Variants in CSMD1 observed in about 807,000 individuals in gnomAD.
CSMD1 encodes the protein CUB and sushi domain-containing protein 1.
Under a neutral mutation model 417.5 loss-of-function variants are expected in CSMD1, and 213 were observed. That is an observed-to-expected ratio of 0.51 (90% CI 0.46 to 0.57). The LOEUF is 0.57. Among genes scored for constraint, CSMD1 ranks in the 20% least tolerant of loss-of-function variants. The probability of loss-of-function intolerance (pLI) is 0.00; values close to 1 mark genes in which losing one functional copy is unlikely to be tolerated. For synonymous variants in CSMD1, 2,862 were observed against 1,736.8 expected, an observed-to-expected ratio of 1.65 and a Z score of -16.11; for missense variants, 6,923 against 4,529.7, an observed-to-expected ratio of 1.53 and a Z score of -15.17.
intron 3 of CSMD1, among the ~76,000 whole-genome samples, chr8:4,281,997 G>T (rs931921860): frequency 3.9e-5 from 6 of 152,212 alleles, no homozygotes; most frequent in African/African-American, 1.2e-4. Flanking sequence ...CTATAGCAAG[G>T]TGAATTCATG....
At chr8:4,743,662 G>C (rs527248683) in intron 1 of CSMD1, among the ~76,000 whole-genome samples, 211 of 152,256 alleles carry the variant, frequency 1.4e-3, no homozygotes, top group African/African-American at 4.9e-3. Context: ...TCATTTGTGA[G>C]TTTAGTTAAT....
chr8:3,931,954 G>A (rs954777807), intron 5 of CSMD1, among the ~76,000 whole-genome samples: 1 of 148,988 alleles, frequency 6.7e-6, no homozygotes, highest in Non-Finnish European at 1.5e-5. Flanking sequence ...AATCTAAAAA[G>A]GACTTTTTAA....
intron 7 of CSMD1, among the ~76,000 whole-genome samples, chr8:3,677,967 G>T (rs373615540): frequency 2.6e-5 from 4 of 152,128 alleles, no homozygotes; most frequent in Admixed American, 1.3e-4. Flanking sequence ...CAGAAACACT[G>T]ACTTGGTGCA....
chr8:4,125,869 A>C (rs375139581), intron 3 of CSMD1, among the ~76,000 whole-genome samples: 1 of 152,138 alleles, frequency 6.6e-6, no homozygotes, highest in Non-Finnish European at 1.5e-5. Context: ...CAAATTAGCT[A>C]CAAGTTTAGG....
At chr8:4,169,666 G>A (rs1028017785) in intron 3 of CSMD1, among the ~76,000 whole-genome samples, 5 of 152,110 alleles carry the variant, frequency 3.3e-5, no homozygotes, top group Non-Finnish European at 7.3e-5. Context: ...GCCAACGCCG[G>A]AAGAGCACAC....
chr8:3,254,209 C>T (rs1032180806), intron 26 of CSMD1, among the ~76,000 whole-genome samples: 1 of 152,204 alleles, frequency 6.6e-6, no homozygotes, highest in Non-Finnish European at 1.5e-5. Context: ...GGCCCCCACT[C>T]TCTTCTGGCT....
At chr8:3,119,653 C>T (rs975824048) in intron 41 of CSMD1, among the ~76,000 whole-genome samples, 2 of 152,158 alleles carry the variant, frequency 1.3e-5, no homozygotes, top group African/African-American at 4.8e-5. Context: ...CTCTCGCCCA[C>T]TCTGGGAAGA....
At chr8:3,604,202 G>A (rs1377365830) in intron 8 of CSMD1, among the ~76,000 whole-genome samples, 1 of 152,066 alleles carries the variant, frequency 6.6e-6, no homozygotes, top group Non-Finnish European at 1.5e-5. Flanking sequence ...ATATAAACAT[G>A]AATTATGCTT....
At chr8:4,543,978 T>C (rs1465780688) in intron 2 of CSMD1, among the ~76,000 whole-genome samples, 14 of 152,174 alleles carry the variant, frequency 9.2e-5, no homozygotes, top group Non-Finnish European at 1.9e-4. Context: ...ATTAGGTTCA[T>C]TGTTTTCTAT....
rs1807781216 is a variant in CSMD1 at position 3,343,303 on chromosome 8, T to A, written c.3622A>T (p.Thr1208Ser). Reference protein sequence around the residue: ...GSDTDQGFQLTYTSFDLVKCE... With the variant: ...GSDTDQGFQLSYTSFDLVKCE... Reference sequence around the variant, plus strand: ...GTCGTATGTTACTTACTGGTATAGGTGAGTTGAAAACCTTGGTCGGTGTCA... The same window carrying A: ...GTCGTATGTTACTTACTGGTATAGGAGAGTTGAAAACCTTGGTCGGTGTCA... The change falls in exon 23 of 70, where the codon ACC becomes TCC. Residue 1208 changes from threonine (T) to serine (S), a missense_variant. Transcript: ENST00000635120. 4 of 1,613,456 alleles carry A rather than the reference T, an allele frequency of 2.5e-6. No individual in the cohort carries two copies. The highest frequency in any genetic ancestry group is 3.4e-6 in the Non-Finnish European group (4 of 1,179,454).
At chr8:3,849,816 T>G (rs1726467838) in intron 5 of CSMD1, among the ~76,000 whole-genome samples, 1 of 120,470 alleles carries the variant, frequency 8.3e-6, no homozygotes, top group South Asian at 2.8e-4. Context: ...TATCTTTTTT[T>G]GTTTGGTTTT....
chr8:3,714,806 G>C (rs949653560), intron 6 of CSMD1, among the ~76,000 whole-genome samples: 1 of 151,916 alleles, frequency 6.6e-6, no homozygotes, highest in South Asian at 2.1e-4. Flanking sequence ...TTTTTGTCTA[G>C]TTTATGATTG....
At chr8:3,495,549 A>T (rs1796330316) in intron 10 of CSMD1, among the ~76,000 whole-genome samples, 1 of 152,216 alleles carries the variant, frequency 6.6e-6, no homozygotes, top group African/African-American at 2.4e-5. Context: ...TCCTGTTGTC[A>T]AACACCAATC....
chr8:4,289,661 G>T (rs1357585544), intron 3 of CSMD1, among the ~76,000 whole-genome samples: 1 of 152,172 alleles, frequency 6.6e-6, no homozygotes, highest in East Asian at 1.9e-4. Flanking sequence ...ATGGTCCTGA[G>T]TAACATGTGC....
In CSMD1 at chr8:4,274,675, A is replaced by C. The variant is rs188730042; in HGVS notation, c.415+145278T>G. On this transcript the variant is annotated intron_variant, in intron 3 of 69. Transcript: ENST00000635120. The stretch of plus-strand genomic sequence containing the variant: ...ATTAAATTTACTTAAAATAAAATTA[A>C]ATGTTTCTTAGAAGTGCATCAGGTG... 3.7e-3 allele frequency among the ~76,000 whole-genome samples: 556 copies of C among 152,270 alleles called. 2 individuals are homozygous for C. Among genetic ancestry groups the C allele is most frequent in the Non-Finnish European group, 5.2e-3 (355 of 68,006 alleles).
intron 3 of CSMD1, among the ~76,000 whole-genome samples, chr8:4,292,038 A>G (rs1376433745): frequency 6.6e-6 from 1 of 152,130 alleles, no homozygotes; most frequent in East Asian, 1.9e-4. Flanking sequence ...AGTTACTTTA[A>G]TAATGGAGGT....
chr8:4,881,961 G>T (rs1052297576), intron 1 of CSMD1, among the ~76,000 whole-genome samples: 1 of 151,946 alleles, frequency 6.6e-6, no homozygotes, highest in Non-Finnish European at 1.5e-5. Context: ...GCAATGAAAA[G>T]GATATGACAT....
At chr8:3,386,297 T>A (rs1810999508) in intron 18 of CSMD1, among the ~76,000 whole-genome samples, 1 of 152,186 alleles carries the variant, frequency 6.6e-6, no homozygotes, top group African/African-American at 2.4e-5. Context: ...AGGCTGCACC[T>A]CTTTCTCAGC....
At chr8:4,054,913 G>C (rs1798613219) in intron 3 of CSMD1, among the ~76,000 whole-genome samples, 1 of 152,044 alleles carries the variant, frequency 6.6e-6, no homozygotes, top group East Asian at 1.9e-4. Flanking sequence ...CCTGAGCTCT[G>C]GGGTTTCTCT....
Sources: allele counts gnomAD v4.1 joint callset (sites outside exome capture counted in the v4.1 genomes callset), GRCh38; gene constraint gnomAD v4.1.1; transcripts MANE v1.5; gene names NCBI Gene and HGNC (gene_info 2026-07-23, HGNC 2026-07-21).